The following SAMD3 variants were observed in gnomAD, a reference collection of about 807,000 sequenced individuals.
SAMD3 encodes the protein sterile alpha motif domain-containing protein 3.
A neutral mutation model predicts 58.5 loss-of-function variants in SAMD3; 63 were observed. The ratio of observed to expected loss-of-function variants is 1.08; its 90% CI spans 0.88 to 1.33. The LOEUF is 1.33. SAMD3 is among the 40% of genes most tolerant of loss of function. The pLI, the probability that SAMD3 is intolerant of heterozygous loss-of-function variation, is 0.00. For synonymous variants in SAMD3, 220 were observed against 210.3 expected, an observed-to-expected ratio of 1.05 and a Z score of -0.40; for missense variants, 604 against 608.4, an observed-to-expected ratio of 0.99 and a Z score of 0.08.
chr6:130,277,104 G>T (rs1240839676), intron 2 of SAMD3, among the ~76,000 whole-genome samples: 1 of 152,208 alleles, frequency 6.6e-6, no homozygotes, highest in African/African-American at 2.4e-5. Context: ...TGATTCCTGA[G>T]AAGTAAGGGA....
chr6:130,353,778 G>C (rs964271848), intron 1 of SAMD3, among the ~76,000 whole-genome samples: 2 of 151,986 alleles, frequency 1.3e-5, no homozygotes, highest in African/African-American at 4.8e-5. Flanking sequence ...ACTCACAGAG[G>C]GATACACATC....
At chr6:130,167,829 G>A (rs908697207) in intron 8 of SAMD3, among the ~76,000 whole-genome samples, 1 of 152,086 alleles carries the variant, frequency 6.6e-6, no homozygotes, top group Non-Finnish European at 1.5e-5. Context: ...CAAAATACCC[G>A]GCATTATGCA....
intron 2 of SAMD3, among the ~76,000 whole-genome samples, chr6:130,274,706 T>G (rs1438369543): frequency 6.6e-6 from 1 of 152,164 alleles, no homozygotes; most frequent in African/African-American, 2.4e-5. Flanking sequence ...CTGCAACTTC[T>G]TAATTGGAAT....
chr6:130,365,237 C>A (rs1778103194), exon 1 of SAMD3: 1 of 985,414 alleles, frequency 1.0e-6, no homozygotes, highest in Admixed American at 6.1e-5. Context: ...GGAGGAGTAA[C>A]CTGAACCTCT....
At chr6:130,226,931 A>AT (rs1347150300), upstream of SAMD3, among the ~76,000 whole-genome samples, 1 of 152,180 alleles carries the variant, frequency 6.6e-6, no homozygotes, top group African/African-American at 2.4e-5. Context: ...GTAATCTGAT[A>AT]TTTTTTACAT....
chr6:130,289,758 C>T (rs1289434474), intron 2 of SAMD3, among the ~76,000 whole-genome samples: 9 of 152,206 alleles, frequency 5.9e-5, no homozygotes, highest in African/African-American at 9.6e-5. Context: ...CCTTGGCCCC[C>T]CAAAGTGCTG....
intron 5 of SAMD3, among the ~76,000 whole-genome samples, chr6:130,187,115 C>T (rs1582845632): frequency 6.6e-6 from 1 of 152,162 alleles, no homozygotes; most frequent in East Asian, 1.9e-4. Context: ...AGGTGTTAAG[C>T]TGGTTTCAGT....
At chr6:130,161,959 C>G (rs1790314991) in intron 8 of SAMD3, 3 of 279,992 alleles carry the variant, frequency 1.1e-5, no homozygotes, top group African/African-American at 2.2e-5. Flanking sequence ...GGGCCGTGCT[C>G]AAGGAGGAAT....
intron 1 of SAMD3, among the ~76,000 whole-genome samples, chr6:130,345,727 A>T (rs1777430205): frequency 1.3e-5 from 2 of 152,144 alleles, no homozygotes; most frequent in Non-Finnish European, 2.9e-5. Flanking sequence ...ACACAGCAGG[A>T]AGGAGAGAAT....
chr6:130,212,132 T>C (rs1338209006), intron 4 of SAMD3, among the ~76,000 whole-genome samples: 3 of 151,874 alleles, frequency 2.0e-5, no homozygotes, highest in African/African-American at 7.3e-5. Context: ...AAACACTCTC[T>C]AAGGGGGTTT....
At chr6:130,241,557 T>C (rs185153242) in intron 2 of SAMD3, among the ~76,000 whole-genome samples, 71 of 152,252 alleles carry the variant, frequency 4.7e-4, no homozygotes, top group Non-Finnish European at 9.6e-4. Context: ...AACTTTTCAA[T>C]AAATTTTCTT....
At chr6:130,181,221 A>G (rs146191984) in intron 7 of SAMD3, among the ~76,000 whole-genome samples, 5,037 of 152,220 alleles carry the variant, frequency 0.033, 104 homozygotes, top group African/African-American at 0.04. Context: ...TGCTGGGATT[A>G]TAGGCATGAG....
chr6:130,351,078 G>A (rs200767590), intron 1 of SAMD3, among the ~76,000 whole-genome samples: 9,424 of 151,808 alleles, frequency 0.062, 608 homozygotes, highest in East Asian at 0.29. Context: ...AATTAATTGG[G>A]GATGGATTAA....
intron 2 of SAMD3, among the ~76,000 whole-genome samples, chr6:130,254,828 T>G (rs1445730698): frequency 6.6e-6 from 1 of 151,930 alleles, no homozygotes; most frequent in Non-Finnish European, 1.5e-5. Context: ...TTTTGAAGAA[T>G]TGGTATTAGT....
At position 130,209,514 on chromosome 6, in the gene SAMD3, G is replaced by T; in HGVS notation, c.364C>A (p.Gln122Lys). The T allele has an allele frequency of 1.9e-6, 3 of 1,606,698 alleles. No homozygotes were observed. Among genetic ancestry groups the T allele is most frequent in the Non-Finnish European group, 2.6e-6 (3 of 1,173,446 alleles). ...AENLDNGLID[Q>K]RVLKQRRNVK... ...CCCCACCTCTGTTTCAATACTCTTT[G>T]GTCAATTAGTCCATTATCAAGGTTT... The change falls in exon 5 of 12, where the codon CAA becomes AAA. Residue 122 changes from glutamine to lysine, a missense_variant. Transcript: ENST00000439090.
chr6:130,348,691 T>C (rs922733853), intron 1 of SAMD3, among the ~76,000 whole-genome samples: 9 of 152,124 alleles, frequency 5.9e-5, no homozygotes, highest in Non-Finnish European at 4.4e-5. Flanking sequence ...TTAACAAGGA[T>C]ATCCAGGAAC....
chr6:130,221,643 G>A (rs1361995353), intron 1 of SAMD3: 1 of 152,158 alleles, frequency 6.6e-6, no homozygotes, highest in African/African-American at 2.4e-5. Flanking sequence ...TTACATGGAA[G>A]TGGATCATCA....
chr6:130,165,511 T>C (rs1790654552), intron 8 of SAMD3, among the ~76,000 whole-genome samples: 1 of 152,174 alleles, frequency 6.6e-6, no homozygotes. Flanking sequence ...TTTCACCAAA[T>C]ATCAAATTTA....
chr6:130,302,134 AAC>A (rs1485629692), intron 2 of SAMD3, among the ~76,000 whole-genome samples: 13 of 152,190 alleles, frequency 8.5e-5, no homozygotes, highest in Admixed American at 7.2e-4. Flanking sequence ...TAAACAAACA[AAC>A]ACACAAACCA....
Sources: gnomAD v4.1 joint callset for allele counts (sites outside exome capture counted in the v4.1 genomes callset) on GRCh38, gnomAD v4.1.1 for gene constraint, MANE v1.5 for transcripts, NCBI Gene and HGNC (gene_info 2026-07-23, HGNC 2026-07-21) for gene names.